AMBRA1: variants seen among roughly 807,000 people sequenced by gnomAD.
AMBRA1 encodes the protein activating molecule in BECN1-regulated autophagy protein 1.
A neutral mutation model predicts 125.4 loss-of-function variants in AMBRA1; 47 were observed. The ratio of observed to expected loss-of-function variants is 0.37; its 90% CI spans 0.30 to 0.48. AMBRA1 has a LOEUF of 0.48. Ranked by LOEUF, AMBRA1 falls within the 20% of genes least tolerant of loss-of-function variation. The pLI, the probability that AMBRA1 is intolerant of heterozygous loss-of-function variation, is 0.99. For missense variants in AMBRA1, 1,331 were observed against 1,693.4 expected, an observed-to-expected ratio of 0.79 and a Z score of 3.76; for synonymous variants, 626 against 655.5, an observed-to-expected ratio of 0.95 and a Z score of 0.69.
In AMBRA1 at chr11:46,428,645, C is replaced by T. The variant is rs537428938; in HGVS notation, c.2976+4829G>A. On this transcript the variant is annotated intron_variant, in intron 14 of 17. Transcript: ENST00000683756. ...AGTTTATTCAATGCAAAAGAATCCT[C>T]TCCAATTTTACTGAGGTGGCTGACC... The T allele has an allele frequency of 2.5e-5, 39 of 1,591,352 alleles. No homozygotes were observed. The South Asian group carries it at 4.1e-4, about 17-fold the overall frequency.
At chr11:46,457,359 C>G (rs557186611) in intron 11 of AMBRA1, among the ~76,000 whole-genome samples, 1 of 152,122 alleles carries the variant, frequency 6.6e-6, no homozygotes, top group Non-Finnish European at 1.5e-5. Context: ...GAGGTTAGAT[C>G]GGAAAATGGA....
In AMBRA1 at chr11:46,507,176, C is replaced by CAAA. The variant is rs59385965; in HGVS notation, c.2339+1012_2339+1014dup. ...TAGGCAACACAGCAAGACTCCGTCT[C>CAAA]AAAAAAAAAAAAAAAAAAAAAGGCT... On this transcript the variant is annotated intron_variant, in intron 9 of 17. Coordinates refer to ENST00000683756, the MANE Select transcript of AMBRA1 (RefSeq NM_001387011.1). 7.0e-4 allele frequency among the ~76,000 whole-genome samples: 22 copies of CAAA among 31,434 alleles called. 1 individual carries two copies. The highest frequency in any genetic ancestry group is 1.9e-3 in the African/African-American group (15 of 8,040). 20.6% of individuals were successfully genotyped at this position (31,434 alleles called of 152,430 possible).
At chr11:46,481,694 T>C (rs1950078170) in intron 11 of AMBRA1, among the ~76,000 whole-genome samples, 1 of 152,104 alleles carries the variant, frequency 6.6e-6, no homozygotes, top group Admixed American at 6.6e-5. Flanking sequence ...AAGCCTGAGA[T>C]TAGATTTTAG....
At chr11:46,518,655 G>A (rs764701018) in intron 7 of AMBRA1, among the ~76,000 whole-genome samples, 1 of 152,034 alleles carries the variant, frequency 6.6e-6, no homozygotes, top group Non-Finnish European at 1.5e-5. Flanking sequence ...TACAGAAGAT[G>A]TTCGCCCATT....
At chr11:46,511,017 A>C (rs1951235623) in intron 8 of AMBRA1, among the ~76,000 whole-genome samples, 1 of 152,232 alleles carries the variant, frequency 6.6e-6, no homozygotes. Context: ...AAAGTGTAAA[A>C]ATACCAACAC....
At chr11:46,428,817 C>T (rs1423766145) in intron 14 of AMBRA1, 9 of 1,611,412 alleles carry the variant, frequency 5.6e-6, no homozygotes, top group Non-Finnish European at 7.6e-6. Flanking sequence ...GCAGGTCGCT[C>T]ACCCTCCAGA....
At chr11:46,541,368 A>C (rs907810230) in intron 7 of AMBRA1, among the ~76,000 whole-genome samples, 4 of 152,302 alleles carry the variant, frequency 2.6e-5, no homozygotes, top group African/African-American at 7.2e-5. Flanking sequence ...GCTGCCCAAA[A>C]ACAAGTATCT....
intron 1 of AMBRA1, among the ~76,000 whole-genome samples, chr11:46,556,291 C>G (rs777161005): frequency 6.6e-6 from 1 of 152,174 alleles, no homozygotes; most frequent in Non-Finnish European, 1.5e-5. Context: ...CAAGCCAGCA[C>G]CCACACCTGA....
At chr11:46,417,397 C>T (rs949827693) in intron 15 of AMBRA1, among the ~76,000 whole-genome samples, 18 of 152,218 alleles carry the variant, frequency 1.2e-4, no homozygotes, top group African/African-American at 3.9e-4. Context: ...GCTAGAGCTC[C>T]AAGCAGAAAG....
At chr11:46,518,070 AC>A in intron 7 of AMBRA1, 1 of 964,394 alleles carries the variant, frequency 1.0e-6, no homozygotes, top group Non-Finnish European at 1.2e-6. Flanking sequence ...AAAAACAAAA[AC>A]ATACAACACA....
intron 11 of AMBRA1, among the ~76,000 whole-genome samples, chr11:46,449,353 T>C (rs1948462792): frequency 6.6e-6 from 1 of 152,190 alleles, no homozygotes; most frequent in Non-Finnish European, 1.5e-5. Context: ...AGATACAAGG[T>C]CAACTGCTTT....
chr11:46,545,963 T>G, intron 4 of AMBRA1, 187 bp from the exon 5 acceptor site: 1 of 567,644 alleles, frequency 1.8e-6, no homozygotes, highest in South Asian at 2.1e-5. Context: ...ATAAATACTA[T>G]ACAATCAGTT....
At chr11:46,553,275 T>C (rs938303528) in intron 1 of AMBRA1, among the ~76,000 whole-genome samples, 1 of 152,112 alleles carries the variant, frequency 6.6e-6, no homozygotes, top group Non-Finnish European at 1.5e-5. Context: ...AATAACTATT[T>C]ATTGTAAAAA....
intron 11 of AMBRA1, among the ~76,000 whole-genome samples, chr11:46,478,736 C>T (rs1949931823): frequency 7.7e-6 from 1 of 130,630 alleles, no homozygotes; most frequent in African/African-American, 2.9e-5. Context: ...CTCACTGCAA[C>T]CTCCACCTCC....
chr11:46,583,650 TCCAAAAAAAAAAAA>T (rs1300742531), intron 1 of AMBRA1, among the ~76,000 whole-genome samples: 5,622 of 18,084 alleles, frequency 0.31, 631 homozygotes, highest in African/African-American at 0.44. Flanking sequence ...CAAACAAATT[TCCAAAAAAAAAAAA>T]AAAAAAAAAA....
rs535900899 is a variant in AMBRA1, at chr11:46,492,613, C to T, written c.2521+995G>A. ...GGGAAAGACTGTGACAGGGAAACAA[C>T]CTTTGCCACATATAAAAATGGAATT... On this transcript the variant is annotated intron_variant, in intron 11 of 17. Coordinates refer to ENST00000683756, the MANE Select transcript of AMBRA1 (RefSeq NM_001387011.1). Among the ~76,000 whole-genome samples the T allele has an allele frequency of 5.3e-5, 8 of 152,066 alleles. No individual in the cohort carries two copies. In the South Asian group the frequency reaches 1.5e-3, roughly 28 times the overall value.
intron 1 of AMBRA1, among the ~76,000 whole-genome samples, chr11:46,554,391 G>C (rs1388116156): frequency 6.6e-6 from 1 of 152,118 alleles, no homozygotes; most frequent in Non-Finnish European, 1.5e-5. Context: ...ATTCCTACAG[G>C]ATTCAGAAAG....
intron 1 of AMBRA1, among the ~76,000 whole-genome samples, chr11:46,572,627 T>C (rs943062078): frequency 1.3e-5 from 2 of 152,172 alleles, no homozygotes; most frequent in Non-Finnish European, 2.9e-5. Flanking sequence ...GAACTGTCAA[T>C]ACCCACTGAA....
chr11:46,507,176 CAAA>C (rs59385965), intron 9 of AMBRA1, among the ~76,000 whole-genome samples: 29 of 31,500 alleles, frequency 9.2e-4, no homozygotes, highest in African/African-American at 3.5e-3. Flanking sequence ...GACTCCGTCT[CAAA>C]AAAAAAAAAA....
Sources: allele counts gnomAD v4.1 joint callset (sites outside exome capture counted in the v4.1 genomes callset), GRCh38; gene constraint gnomAD v4.1.1; transcripts MANE v1.5; gene names NCBI Gene and HGNC (gene_info 2026-07-23, HGNC 2026-07-21).